NAALADL2: variants seen among roughly 807,000 people sequenced by gnomAD.
NAALADL2 encodes the protein inactive N-acetylated-alpha-linked acidic dipeptidase-like protein 2.
NAALADL2 carries 76 observed loss-of-function variants against 87.2 expected under a neutral mutation model. That is an observed-to-expected ratio of 0.87 (90% CI 0.72 to 1.05). NAALADL2 has a LOEUF of 1.05. Among genes scored for constraint, NAALADL2 ranks in the 50% least tolerant of loss-of-function variants. The pLI is 0.00. For missense variants in NAALADL2, 1,089 were observed against 945.8 expected, an observed-to-expected ratio of 1.15 and a Z score of -1.99; for synonymous variants, 354 against 331.0, an observed-to-expected ratio of 1.07 and a Z score of -0.75.
At chr3:174,884,526 T>C (rs909432632) in intron 1 of NAALADL2, among the ~76,000 whole-genome samples, 1 of 152,174 alleles carries the variant, frequency 6.6e-6, no homozygotes, top group Non-Finnish European at 1.5e-5. Context: ...CTGTGTGGAA[T>C]ACCATGATCG....
intron 3 of NAALADL2, among the ~76,000 whole-genome samples, chr3:174,815,647 A>G (rs1720701931): frequency 6.6e-6 from 1 of 152,098 alleles, no homozygotes; most frequent in African/African-American, 2.4e-5. Flanking sequence ...GTTTATGTAA[A>G]TATTTGTCTA....
At chr3:174,937,747 T>C (rs902927149) in intron 1 of NAALADL2, among the ~76,000 whole-genome samples, 4 of 152,072 alleles carry the variant, frequency 2.6e-5, no homozygotes, top group African/African-American at 9.7e-5. Flanking sequence ...ATGTGAGTCA[T>C]TTACTTTAAC....
chr3:175,461,992 T>C (rs956400417), intron 6 of NAALADL2, among the ~76,000 whole-genome samples: 3 of 151,976 alleles, frequency 2.0e-5, no homozygotes, highest in African/African-American at 7.2e-5. Context: ...GATTTTAGAG[T>C]AGTGAAGCTA....
intron 2 of NAALADL2, among the ~76,000 whole-genome samples, chr3:175,214,997 T>A (rs1426085551): frequency 2.6e-5 from 4 of 152,166 alleles, no homozygotes; most frequent in Non-Finnish European, 4.4e-5. Flanking sequence ...CTTTAAACTA[T>A]ACGGACTAAT....
chr3:174,979,893 T>G (rs1744891041), intron 1 of NAALADL2, among the ~76,000 whole-genome samples: 1 of 152,182 alleles, frequency 6.6e-6, no homozygotes, highest in African/African-American at 2.4e-5. Context: ...ACATCCCTGA[T>G]GAAAATCTTT....
intron 1 of NAALADL2, among the ~76,000 whole-genome samples, chr3:174,886,611 C>T (rs1026803818): frequency 6.6e-6 from 1 of 152,164 alleles, no homozygotes; most frequent in Non-Finnish European, 1.5e-5. Context: ...ACCATTTTTA[C>T]TGGAATAGCT....
chr3:174,614,343 C>T (rs147710102), intron 2 of NAALADL2, among the ~76,000 whole-genome samples: 24 of 152,234 alleles, frequency 1.6e-4, no homozygotes, highest in African/African-American at 3.9e-4. Context: ...CTTGTGGTGG[C>T]GAGGCTTGCA....
At chr3:175,300,861 G>A (rs1253039746) in intron 4 of NAALADL2, among the ~76,000 whole-genome samples, 2 of 151,604 alleles carry the variant, frequency 1.3e-5, no homozygotes, top group African/African-American at 4.8e-5. Flanking sequence ...CTCTGCCAAA[G>A]CCTCCTGAGT....
At chr3:175,417,303 A>G (rs1714826215) in intron 5 of NAALADL2, among the ~76,000 whole-genome samples, 1 of 151,944 alleles carries the variant, frequency 6.6e-6, no homozygotes, top group Non-Finnish European at 1.5e-5. Context: ...CTCAAAGTGG[A>G]CATAATTAGC....
At chr3:174,740,949 A>G (rs1357646004) in intron 3 of NAALADL2, among the ~76,000 whole-genome samples, 1 of 151,796 alleles carries the variant, frequency 6.6e-6, no homozygotes. Flanking sequence ...GATTTATCTC[A>G]GAATGTACTG....
intron 5 of NAALADL2, among the ~76,000 whole-genome samples, chr3:175,418,550 A>G (rs181791189): frequency 6.6e-6 from 1 of 152,290 alleles, no homozygotes; most frequent in African/African-American, 2.4e-5. Context: ...AATGCATCAC[A>G]TAAAATAAAT....
intron 4 of NAALADL2, among the ~76,000 whole-genome samples, chr3:175,280,999 C>A (rs763450038): frequency 5.3e-5 from 8 of 151,846 alleles, no homozygotes; most frequent in Non-Finnish European, 1.0e-4. Flanking sequence ...CCATTAGAAT[C>A]TGCATTTTAA....
chr3:175,205,432 T>C (rs1740666375), intron 2 of NAALADL2, among the ~76,000 whole-genome samples: 1 of 152,166 alleles, frequency 6.6e-6, no homozygotes, highest in Non-Finnish European at 1.5e-5. Flanking sequence ...TCTCACCTTA[T>C]ACAAAAATCA....
At chr3:174,610,694 A>T (rs1033311209) in intron 2 of NAALADL2, among the ~76,000 whole-genome samples, 3 of 151,566 alleles carry the variant, frequency 2.0e-5, no homozygotes, top group Non-Finnish European at 4.4e-5. Flanking sequence ...GTGGAGAAAT[A>T]GGAACACTTT....
chr3:174,620,076 AC>A (rs1278408928), intron 2 of NAALADL2, among the ~76,000 whole-genome samples: 1 of 151,966 alleles, frequency 6.6e-6, no homozygotes, highest in Non-Finnish European at 1.5e-5. Flanking sequence ...ATTACAAAGT[AC>A]CCCGATCCAC....
At chr3:175,025,555 T>C (rs1442718015) in intron 1 of NAALADL2, among the ~76,000 whole-genome samples, 1 of 152,192 alleles carries the variant, frequency 6.6e-6, no homozygotes, top group East Asian at 1.9e-4. Context: ...ACGGCTATTG[T>C]TATCAAAGAA....
rs1745391815 is a variant in NAALADL2 at position 175,233,890 on chromosome 3, T to C, written c.546-41T>C. 3 of 1,166,366 alleles carry C rather than the reference T, an allele frequency of 2.6e-6. No homozygotes were observed. In the South Asian group the frequency reaches 4.3e-5, roughly 17 times the overall value. The allele number at this position is 1,166,366 out of a possible 1,614,324, so 72.3% of individuals were successfully genotyped here. On this transcript the variant is annotated intron_variant, in intron 2 of 13. Transcript: ENST00000454872. Reference sequence around the variant, plus strand: ...AGTCATATCTCAAAAGAATAAAGTATTCTCCTTTTTAAAAAAGTTTTCTTT... The same window carrying C: ...AGTCATATCTCAAAAGAATAAAGTACTCTCCTTTTTAAAAAAGTTTTCTTT...
intron 1 of NAALADL2, among the ~76,000 whole-genome samples, chr3:174,944,267 G>A (rs998944590): frequency 3.3e-5 from 5 of 152,176 alleles, no homozygotes; most frequent in Non-Finnish European, 7.4e-5. Flanking sequence ...CCCAGTGACA[G>A]GGAACAGGAT....
At chr3:174,769,774 AT>A (rs2109102743) in intron 3 of NAALADL2, among the ~76,000 whole-genome samples, 1 of 151,316 alleles carries the variant, frequency 6.6e-6, no homozygotes, top group Non-Finnish European at 1.5e-5. Flanking sequence ...CTCTTTTCTT[AT>A]ATATTCTTTA....
Sources: allele counts gnomAD v4.1 joint callset (sites outside exome capture counted in the v4.1 genomes callset), GRCh38; gene constraint gnomAD v4.1.1; transcripts MANE v1.5; gene names NCBI Gene and HGNC (gene_info 2026-07-23, HGNC 2026-07-21).